TMLHE: variants seen among roughly 807,000 people sequenced by gnomAD.
TMLHE encodes the protein trimethyllysine dioxygenase, mitochondrial.
Under a neutral mutation model 25.7 loss-of-function variants are expected in TMLHE, and 18 were observed. That is an observed-to-expected ratio of 0.70 (90% CI 0.48 to 1.04). The LOEUF (loss-of-function observed/expected upper bound fraction) is 1.04. Among genes scored for constraint, TMLHE ranks in the 50% least tolerant of loss-of-function variants. The pLI, the probability that TMLHE is intolerant of heterozygous loss-of-function variation, is 0.00. For synonymous variants in TMLHE, 105 were observed against 97.0 expected (o/e 1.08, Z -0.49); for missense variants, 236 against 259.0 (o/e 0.91, Z 0.61).
intron 2 of TMLHE, among the ~76,000 whole-genome samples, chrX:155,536,665 T>C (rs183700905): frequency 6.1e-4 from 69 of 112,298 alleles, no homozygotes; most frequent in African/African-American, 2.2e-3. Flanking sequence ...CTTCAAAATA[T>C]AGCTAAAAAT....
At position 155,571,273 on chromosome X, in the gene TMLHE, A is replaced by G. The variant is rs1246806811; in HGVS notation, c.-1-25996T>C. 2.8e-4 allele frequency among the ~76,000 whole-genome samples: 16 copies of G among 56,188 alleles called. 2 individuals are homozygous for G. Among genetic ancestry groups the G allele is most frequent in the African/African-American group, 6.0e-4 (14 of 23,437 alleles). 48.8% of individuals were successfully genotyped at this position (56,188 alleles called of 115,157 possible). A position where few individuals can be genotyped will look rare whatever the true frequency, so the allele number is the denominator to read the frequency against. On this transcript the variant is annotated intron_variant, in intron 1 of 7. Transcript: ENST00000334398. Reference sequence around the variant, plus strand: ...TTCCTTGACACATACACCCTCCCAAAACTAAACCAGGAAGAAGTTGAATCT... The same window carrying G: ...TTCCTTGACACATACACCCTCCCAAGACTAAACCAGGAAGAAGTTGAATCT...
chrX:155,593,725 G>A (rs1275416553), intron 1 of TMLHE, among the ~76,000 whole-genome samples: 2 of 110,701 alleles, frequency 1.8e-5, no homozygotes, highest in Non-Finnish European at 3.8e-5. Context: ...AAATAAGAAG[G>A]CTGACGAAGA....
At chrX:155,548,535 G>GTCAGGAGATCAAGA (rs1491301815) in intron 1 of TMLHE, among the ~76,000 whole-genome samples, 1 of 109,143 alleles carries the variant, frequency 9.2e-6, no homozygotes, top group Non-Finnish European at 1.9e-5. Flanking sequence ...GCAGTATGAG[G>GTCAGGAGATCAAGA]CCAGCCTGAC....
At chrX:155,525,004 G>A (rs188124596) in intron 2 of TMLHE, among the ~76,000 whole-genome samples, 1 of 111,978 alleles carries the variant, frequency 8.9e-6, no homozygotes, top group Non-Finnish European at 1.9e-5. Context: ...ATGTCATGTT[G>A]TCACAAGGTT....
At chrX:155,602,124 A>G (rs2124497970) in intron 1 of TMLHE, among the ~76,000 whole-genome samples, 1 of 111,613 alleles carries the variant, frequency 9.0e-6, no homozygotes, top group African/African-American at 3.2e-5. Context: ...TATGAATACA[A>G]ATGCAAAATT....
In TMLHE at chrX:155,548,615, T is replaced by G. The variant is rs782191328; in HGVS notation, c.-1-3338A>C. Reference sequence around the variant, plus strand: ...CCGGGTGTGGTGGCACACACCTGTATTCCCAGCTACTCAGGAGGCTGAGGC... The same window carrying G: ...CCGGGTGTGGTGGCACACACCTGTAGTCCCAGCTACTCAGGAGGCTGAGGC... On this transcript the variant is annotated intron_variant, in intron 1 of 7. Coordinates refer to ENST00000334398, the MANE Select transcript of TMLHE (RefSeq NM_018196.4). Among the ~76,000 whole-genome samples the G allele has an allele frequency of 1.2e-3, 128 of 108,311 alleles. 1 individual carries two copies. Among genetic ancestry groups the G allele is most frequent in the Non-Finnish European group, 2.1e-3 (108 of 52,237 alleles). The allele number at this position is 108,311 out of a possible 115,157, so 94.1% of individuals were successfully genotyped here. A position where few individuals can be genotyped will look rare whatever the true frequency, so the allele number is the denominator to read the frequency against.
At chrX:155,581,677 C>A (rs1457232465) in intron 1 of TMLHE, among the ~76,000 whole-genome samples, 1 of 111,647 alleles carries the variant, frequency 9.0e-6, no homozygotes. Context: ...TAAAAGAGGA[C>A]ACAAACAAAT....
At chrX:155,554,652 C>T (rs1315812293) in intron 1 of TMLHE, among the ~76,000 whole-genome samples, 1 of 108,978 alleles carries the variant, frequency 9.2e-6, no homozygotes, top group African/African-American at 3.4e-5. Flanking sequence ...CTTTTTGAAT[C>T]CACGAACTGA....
At chrX:155,559,798 C>T (rs1256350213) in intron 1 of TMLHE, among the ~76,000 whole-genome samples, 3 of 112,328 alleles carry the variant, frequency 2.7e-5, no homozygotes, top group African/African-American at 9.7e-5. Context: ...TGGCCTATTG[C>T]CATAGACTAG....
At chrX:155,553,518 C>G (rs1174617849) in intron 1 of TMLHE, among the ~76,000 whole-genome samples, 2 of 109,434 alleles carry the variant, frequency 1.8e-5, no homozygotes, top group African/African-American at 6.7e-5. Flanking sequence ...GCATTCTATA[C>G]TTCTTCCATC....
chrX:155,506,919 T>C lies in TMLHE; in HGVS notation c.974A>G (p.Asn325Ser). The change falls in exon 6 of 8, where the codon AAT becomes AGT. Residue 325 changes from asparagine to serine, a missense_variant. Around this residue, in one of 2 missense-constraint regions of TMLHE, gnomAD observed 19 missense variants for 44.4 expected, o/e 0.43. Coordinates refer to ENST00000334398, the MANE Select transcript of TMLHE (RefSeq NM_018196.4). ...IGPVLNIYPW[N>S]KELYLIRYNN... ...TCACCTGATCAAATACAGCTCTTTATTCCATGGGTAGATATTTAAGACTGG... is the reference window on the plus strand; with the variant it reads ...TCACCTGATCAAATACAGCTCTTTACTCCATGGGTAGATATTTAAGACTGG... 8.3e-7 allele frequency: 1 copy of C among 1,208,700 alleles called. No homozygotes were observed. The highest frequency in any genetic ancestry group is 1.1e-6 in the Non-Finnish European group (1 of 893,069).
At chrX:155,605,228 T>C (rs782771779) in intron 1 of TMLHE, among the ~76,000 whole-genome samples, 1 of 111,799 alleles carries the variant, frequency 8.9e-6, no homozygotes, top group Non-Finnish European at 1.9e-5. Context: ...CAAACTAATA[T>C]GATAGAGCTG....
intron 1 of TMLHE, among the ~76,000 whole-genome samples, chrX:155,548,457 TGGGCAC>T (rs1441869907): frequency 5.4e-5 from 6 of 110,715 alleles, no homozygotes; most frequent in South Asian, 3.7e-4. Flanking sequence ...TCCTACAGGC[TGGGCAC>T]GGTGGCTCAT....
intron 4 of TMLHE, among the ~76,000 whole-genome samples, chrX:155,512,679 G>C (rs1277168879): frequency 9.0e-6 from 1 of 110,914 alleles, no homozygotes; most frequent in Non-Finnish European, 1.9e-5. Flanking sequence ...TAATATTTTG[G>C]ATAATCCAAT....
At position 155,550,503 on chromosome X, in the gene TMLHE, C is replaced by G. The variant is rs182772574; in HGVS notation, c.-1-5226G>C. 5.0e-4 allele frequency among the ~76,000 whole-genome samples: 56 copies of G among 111,185 alleles called. 3 individuals are homozygous for G. The highest frequency in any genetic ancestry group is 1.8e-3 in the African/African-American group (54 of 30,234). On this transcript the variant is annotated intron_variant, in intron 1 of 7. Transcript: ENST00000334398. ...AGCTGTTAAAAACAGAATATCAATT[C>G]CTGGAGTATGTTTCTATCTGGATGC... is the stretch of plus-strand genomic sequence containing the variant.
At chrX:155,526,705 C>A (rs1466389691) in intron 2 of TMLHE, among the ~76,000 whole-genome samples, 1 of 112,955 alleles carries the variant, frequency 8.9e-6, no homozygotes, top group Non-Finnish European at 1.9e-5. Flanking sequence ...CTGTATCCTG[C>A]AAAGCCACAG....
chrX:155,591,796 A>T (rs781860291), intron 1 of TMLHE, among the ~76,000 whole-genome samples: 4 of 111,691 alleles, frequency 3.6e-5, no homozygotes, highest in Non-Finnish European at 7.5e-5. Flanking sequence ...AATGGTTCCT[A>T]AAAAAATTAA....
intron 3 of TMLHE, among the ~76,000 whole-genome samples, chrX:155,515,768 C>T (rs2124346643): frequency 9.0e-6 from 1 of 110,906 alleles, no homozygotes; most frequent in South Asian, 3.7e-4. Context: ...TTCTTTAATG[C>T]AGGGACTACC....
Position 155,514,141 on chromosome X carries a change from T to C in TMLHE, c.483A>G (p.Gln161=). 4 of 1,211,353 alleles carry C rather than the reference T, an allele frequency of 3.3e-6. No individual in the cohort carries two copies. The highest frequency in any genetic ancestry group is 4.5e-6 in the Non-Finnish European group (4 of 895,249). The change falls in exon 4 of 8, where the codon CAA becomes CAG. Residue 161 remains glutamine (Q), a synonymous_variant. Coordinates refer to ENST00000334398, the MANE Select transcript of TMLHE (RefSeq NM_018196.4). ...AGCTCTGGCAATCTACCGATGGAACTTGGGCTTGCTGGTAGATTTCAGCAT... is the reference window on the plus strand; with the variant it reads ...AGCTCTGGCAATCTACCGATGGAACCTGGGCTTGCTGGTAGATTTCAGCAT... ...LWNAEIYQQA[Q]VPSVDCQSFL...
Sources: gnomAD v4.1 joint callset for allele counts (sites outside exome capture counted in the v4.1 genomes callset) on GRCh38, gnomAD v4.1.1 for gene constraint, gnomAD v4.1.1 regional missense constraint, MANE v1.5 for transcripts, NCBI Gene and HGNC (gene_info 2026-07-23, HGNC 2026-07-21) for gene names.